The following GLRA2 variants were observed in gnomAD, a reference collection of about 807,000 sequenced individuals.
The protein encoded by GLRA2 is glycine receptor subunit alpha-2.
Under a neutral mutation model 31.6 loss-of-function variants are expected in GLRA2, and 11 were observed. The observed-to-expected ratio is 0.35, with a 90% CI of 0.22 to 0.58. GLRA2 has a LOEUF of 0.58. Ranked by LOEUF, GLRA2 falls within the 20% of genes least tolerant of loss-of-function variation. The probability of loss-of-function intolerance (pLI) is 0.84; values close to 1 mark genes in which losing one functional copy is unlikely to be tolerated. For synonymous variants in GLRA2, 132 were observed against 134.0 expected, an observed-to-expected ratio of 0.99 and a Z score of 0.10; for missense variants, 212 against 351.8, an observed-to-expected ratio of 0.60 and a Z score of 3.18.
intron 8 of GLRA2, among the ~76,000 whole-genome samples, chrX:14,714,846 T>C (rs1729811307): frequency 1.8e-5 from 2 of 112,114 alleles, no homozygotes; most frequent in Admixed American, 1.9e-4. Context: ...TAAAAACGGA[T>C]GTTTGGTAAT....
chrX:14,553,957 C>T (rs1465285780), intron 2 of GLRA2, among the ~76,000 whole-genome samples: 5 of 112,223 alleles, frequency 4.5e-5, no homozygotes, highest in African/African-American at 1.3e-4. Flanking sequence ...ATATTACTTA[C>T]ATCCCTAACA....
chrX:14,677,886 T>G (rs868642041), intron 7 of GLRA2, among the ~76,000 whole-genome samples: 1 of 111,108 alleles, frequency 9.0e-6, no homozygotes, highest in Admixed American at 9.6e-5. Flanking sequence ...TTTGTTTTTG[T>G]TTTTGCTTTC....
At chrX:14,629,361 G>A (rs1485133434) in intron 7 of GLRA2, among the ~76,000 whole-genome samples, 4 of 111,642 alleles carry the variant, frequency 3.6e-5, no homozygotes, top group Admixed American at 9.5e-5. Context: ...ATTAGGTACC[G>A]AAGCATACTT....
intron 7 of GLRA2, among the ~76,000 whole-genome samples, chrX:14,654,855 G>A (rs2090924444): frequency 9.0e-6 from 1 of 111,730 alleles, no homozygotes; most frequent in African/African-American, 3.3e-5. Context: ...GTAGGTGAAA[G>A]GCACATCTCA....
At chrX:14,620,003 G>T (rs7882022) in intron 7 of GLRA2, among the ~76,000 whole-genome samples, 70 of 100,323 alleles carry the variant, frequency 7.0e-4, no homozygotes, top group African/African-American at 2.4e-3. Flanking sequence ...GCGCCCCCCC[G>T]TTTTTTTTTT....
intron 7 of GLRA2, among the ~76,000 whole-genome samples, chrX:14,682,168 CG>C (rs1256051884): frequency 3.7e-5 from 4 of 107,671 alleles, no homozygotes; most frequent in African/African-American, 1.0e-4. Flanking sequence ...GGGGAAAGGT[CG>C]GGATATTCCC....
chrX:14,695,084 T>C (rs1236249149), intron 8 of GLRA2, among the ~76,000 whole-genome samples: 1 of 111,652 alleles, frequency 9.0e-6, no homozygotes, highest in Non-Finnish European at 1.9e-5. Context: ...AAATGTATAT[T>C]TGGCAGTGAC....
intron 6 of GLRA2, among the ~76,000 whole-genome samples, chrX:14,608,525 A>G (rs922421408): frequency 9.0e-6 from 1 of 111,248 alleles, no homozygotes; most frequent in African/African-American, 3.3e-5. Flanking sequence ...AATGGCTTCA[A>G]CTATTACACA....
the GLRA2 span, among the ~76,000 whole-genome samples, chrX:14,476,984 C>T: frequency 2.7e-5 from 3 of 111,657 alleles, no homozygotes; most frequent in Non-Finnish European, 5.6e-5. Flanking sequence ...AACAAACCAG[C>T]TTTAACTGTT....
the GLRA2 span, among the ~76,000 whole-genome samples, chrX:14,451,051 C>T: frequency 9.0e-6 from 1 of 111,488 alleles, no homozygotes; most frequent in South Asian, 3.8e-4. Flanking sequence ...TCATATCCTG[C>T]CAAACTTAGC....
At chrX:14,612,784 T>C (rs1329893721) in intron 7 of GLRA2, among the ~76,000 whole-genome samples, 1 of 80,765 alleles carries the variant, frequency 1.2e-5, no homozygotes, top group African/African-American at 5.1e-5. Flanking sequence ...TGAGAATACA[T>C]GGACACGGGG....
At chrX:14,702,614 C>A (rs1017148302) in intron 8 of GLRA2, among the ~76,000 whole-genome samples, 4 of 111,401 alleles carry the variant, frequency 3.6e-5, no homozygotes, top group African/African-American at 1.3e-4. Context: ...TCACTACAAA[C>A]TTAATGGCTT....
At chrX:14,621,103 T>C (rs772714264) in intron 7 of GLRA2, among the ~76,000 whole-genome samples, 1 of 111,479 alleles carries the variant, frequency 9.0e-6, no homozygotes, top group Admixed American at 9.5e-5. Flanking sequence ...AGCCCGTAAG[T>C]AGTTATTGTG....
the GLRA2 span, among the ~76,000 whole-genome samples, chrX:14,487,106 A>G: frequency 3.6e-5 from 4 of 110,513 alleles, no homozygotes; most frequent in African/African-American, 1.3e-4. Context: ...TGCCTATGAT[A>G]TATTTAATAA....
At chrX:14,721,704 G>A (rs183339301) in intron 8 of GLRA2, among the ~76,000 whole-genome samples, 21 of 110,996 alleles carry the variant, frequency 1.9e-4, no homozygotes, top group African/African-American at 4.3e-4. Flanking sequence ...AGGACCCTTC[G>A]CAGGCTGAAA....
At chrX:14,494,612 C>T in the GLRA2 span, among the ~76,000 whole-genome samples, 1 of 111,338 alleles carries the variant, frequency 9.0e-6, no homozygotes, top group Non-Finnish European at 1.9e-5. Flanking sequence ...CAGTGTTTAC[C>T]TGAAACTGAG....
intron 2 of GLRA2, among the ~76,000 whole-genome samples, chrX:14,562,957 A>C (rs1322372342): frequency 1.8e-5 from 2 of 112,398 alleles, no homozygotes; most frequent in African/African-American, 6.5e-5. Context: ...TTAATTAAAA[A>C]AATACTGCAA....
chrX:14,507,679 G>A, the GLRA2 span, among the ~76,000 whole-genome samples: 3 of 70,129 alleles, frequency 4.3e-5, no homozygotes, highest in South Asian at 6.9e-4. Context: ...ATATCACTAC[G>A]AAAGACATTC....
chrX:14,695,939 C>T (rs1398832593), intron 8 of GLRA2, among the ~76,000 whole-genome samples: 1 of 110,647 alleles, frequency 9.0e-6, no homozygotes, highest in Non-Finnish European at 1.9e-5. Flanking sequence ...CATATGAGAA[C>T]TGTGGTTATG....
Sources: allele counts gnomAD v4.1 joint callset (sites outside exome capture counted in the v4.1 genomes callset), GRCh38; gene constraint gnomAD v4.1.1; transcripts MANE v1.5; gene names NCBI Gene and HGNC (gene_info 2026-07-23, HGNC 2026-07-21).